Variants in MARCHF1 observed in about 807,000 individuals in gnomAD.
MARCHF1 encodes the protein membrane associated ring-CH-type finger 1, also known as E3 ubiquitin-protein ligase MARCHF1.
A neutral mutation model predicts 54.2 loss-of-function variants in MARCHF1; 40 were observed. The ratio of observed to expected loss-of-function variants is 0.74; its 90% confidence interval spans 0.57 to 0.96. The LOEUF (loss-of-function observed/expected upper bound fraction) is 0.96, where lower values mean the gene tolerates loss of function less well. Ranked by LOEUF, MARCHF1 falls within the 40% of genes least tolerant of loss-of-function variation. The probability of loss-of-function intolerance (pLI) is 0.00; values close to 1 mark genes in which losing one functional copy is unlikely to be tolerated. For synonymous variants in MARCHF1, 236 were observed against 236.3 expected, an observed-to-expected ratio of 1.00 and a Z score of 0.01; for missense variants, 586 against 656.5, an observed-to-expected ratio of 0.89 and a Z score of 1.17.
chr4:164,144,181 C>G (rs28800836), intron 1 of MARCHF1, among the ~76,000 whole-genome samples: 33,931 of 145,022 alleles, frequency 0.23, 4,896 homozygotes, highest in African/African-American at 0.4. Context: ...CAAGTCCTGA[C>G]TGACCTACAA....
intron 8 of MARCHF1, among the ~76,000 whole-genome samples, chr4:163,550,231 G>A (rs1223919384): frequency 6.9e-6 from 1 of 145,522 alleles, no homozygotes; most frequent in Admixed American, 7.0e-5. Flanking sequence ...GCAGTGGGCC[G>A]AGATCGCGCC....
intron 3 of MARCHF1, among the ~76,000 whole-genome samples, chr4:163,900,660 T>C (rs1750920073): frequency 1.3e-5 from 2 of 152,316 alleles, no homozygotes; most frequent in South Asian, 4.1e-4. Flanking sequence ...TGTGATATCA[T>C]AAGCAAAATT....
intron 1 of MARCHF1, among the ~76,000 whole-genome samples, chr4:164,339,361 A>G (rs1329309167): frequency 1.3e-5 from 2 of 152,230 alleles, no homozygotes; most frequent in African/African-American, 4.8e-5. Flanking sequence ...TAAGAAGGTT[A>G]GAATAATAAT....
intron 4 of MARCHF1, among the ~76,000 whole-genome samples, chr4:163,740,630 C>A (rs1021172462): frequency 6.6e-6 from 1 of 152,150 alleles, no homozygotes; most frequent in Non-Finnish European, 1.5e-5. Context: ...TTACTGTATA[C>A]TATGTCTCCC....
chr4:163,655,776 C>T (rs538208137), intron 5 of MARCHF1, among the ~76,000 whole-genome samples: 3 of 151,724 alleles, frequency 2.0e-5, no homozygotes, highest in Non-Finnish European at 4.4e-5. Context: ...ACAACTACAT[C>T]GAAATTGAAC....
chr4:163,928,775 T>G (rs1176491724), intron 3 of MARCHF1, among the ~76,000 whole-genome samples: 2 of 151,940 alleles, frequency 1.3e-5, no homozygotes, highest in East Asian at 3.8e-4. Flanking sequence ...GTGGTAAAAA[T>G]CTACTTTAAG....
intron 4 of MARCHF1, among the ~76,000 whole-genome samples, chr4:163,810,864 A>G (rs1748364810): frequency 6.6e-6 from 1 of 152,194 alleles, no homozygotes; most frequent in African/African-American, 2.4e-5. Flanking sequence ...CACCTTCCAC[A>G]AAGCAGACTA....
chr4:164,372,674 T>C (rs1482274392), intron 1 of MARCHF1, among the ~76,000 whole-genome samples: 1 of 152,144 alleles, frequency 6.6e-6, no homozygotes, highest in Non-Finnish European at 1.5e-5. Flanking sequence ...GATTGAATGT[T>C]TGTGTTGTAC....
chr4:163,549,134 G>C (rs1321052576), intron 8 of MARCHF1, among the ~76,000 whole-genome samples: 1 of 152,160 alleles, frequency 6.6e-6, no homozygotes, highest in African/African-American at 2.4e-5. Flanking sequence ...AGCAGTGCCA[G>C]CCTCACTCAG....
chr4:164,197,750 C>T (rs780467693), intron 1 of MARCHF1: 17 of 1,610,392 alleles, frequency 1.1e-5, no homozygotes, highest in Non-Finnish European at 1.4e-5. Context: ...TCGTGCCAGC[C>T]GAATTCAATC....
At chr4:163,719,866 G>A (rs1333195227) in intron 4 of MARCHF1, among the ~76,000 whole-genome samples, 1 of 151,750 alleles carries the variant, frequency 6.6e-6, no homozygotes, top group Non-Finnish European at 1.5e-5. Context: ...TCGCCCGCTT[G>A]TTGATGGGGT....
chr4:164,102,175 G>C (rs1266987488), intron 2 of MARCHF1, among the ~76,000 whole-genome samples: 2 of 103,368 alleles, frequency 1.9e-5, no homozygotes, highest in Admixed American at 1.1e-4. Context: ...ATGGAACCAA[G>C]TTGGAAAACA....
chr4:163,945,404 T>G (rs74612501), intron 3 of MARCHF1, among the ~76,000 whole-genome samples: 1,989 of 152,266 alleles, frequency 0.013, 48 homozygotes, highest in African/African-American at 0.045. Context: ...GTCAATCTGT[T>G]TGGGGTTGAT....
At chr4:163,571,366 T>C (rs1739837554) in intron 8 of MARCHF1, among the ~76,000 whole-genome samples, 1 of 152,154 alleles carries the variant, frequency 6.6e-6, no homozygotes, top group African/African-American at 2.4e-5. Flanking sequence ...ACTAAAATCT[T>C]AGGCCAGGTA....
chr4:164,242,057 G>A (rs1201992755), intron 1 of MARCHF1, among the ~76,000 whole-genome samples: 4 of 152,264 alleles, frequency 2.6e-5, no homozygotes, highest in Non-Finnish European at 5.9e-5. Flanking sequence ...GGGGAGGGGC[G>A]CCCGCCATTG....
At chr4:163,640,929 G>T (rs1426062439) in intron 5 of MARCHF1, among the ~76,000 whole-genome samples, 2 of 151,276 alleles carry the variant, frequency 1.3e-5, no homozygotes, top group African/African-American at 4.9e-5. Context: ...AACACCAAGG[G>T]GTTAAAAATG....
At chr4:164,280,811 A>C (rs1393155978) in intron 1 of MARCHF1, among the ~76,000 whole-genome samples, 3 of 152,068 alleles carry the variant, frequency 2.0e-5, no homozygotes, top group Non-Finnish European at 4.4e-5. Flanking sequence ...AAACTAGAAC[A>C]TACATTTCTA....
intron 1 of MARCHF1, among the ~76,000 whole-genome samples, chr4:164,145,367 C>A (rs1222935530): frequency 1.3e-4 from 19 of 151,644 alleles, no homozygotes; most frequent in Admixed American, 6.6e-4. Flanking sequence ...GAGACACAAC[C>A]AAAAAAGAGA....
In MARCHF1 at chr4:164,259,560, A is replaced by AAAAG. The variant is rs1560977863; in HGVS notation, c.-323+124309_-323+124310insCTTT. Among the ~76,000 whole-genome samples, 160 of 119,060 alleles carry AAAAG rather than the reference A, an allele frequency of 1.3e-3. 1 individual carries two copies. In the East Asian group the frequency reaches 0.031, roughly 23 times the overall value. 78.1% of individuals were successfully genotyped at this position (119,060 alleles called of 152,430 possible). A position where few individuals can be genotyped will look rare whatever the true frequency, so the allele number is the denominator to read the frequency against. On this transcript the variant is annotated intron_variant, in intron 1 of 9. Coordinates refer to ENST00000514618, the MANE Select transcript of MARCHF1 (RefSeq NM_001394959.1). The stretch of plus-strand genomic sequence containing the variant: ...ACCGTGTCTCAAAAAAAAAAAAAAA[A>AAAAG]AAAAAGAAAAAAGAAAAAGAAAAAA...
Sources: gnomAD v4.1 joint callset for allele counts (sites outside exome capture counted in the v4.1 genomes callset) on GRCh38, gnomAD v4.1.1 for gene constraint, MANE v1.5 for transcripts, NCBI Gene and HGNC (gene_info 2026-07-23, HGNC 2026-07-21) for gene names.